Variants in GPR162 observed in about 807,000 individuals in gnomAD.
GPR162 encodes the protein probable G protein-coupled receptor 162.
Under a neutral mutation model 44.9 loss-of-function variants are expected in GPR162, and 26 were observed. The ratio of observed to expected loss-of-function variants is 0.58; its 90% CI spans 0.42 to 0.80. The LOEUF is 0.80. GPR162 is among the 30% of genes least tolerant of loss of function. The probability of loss-of-function intolerance (pLI) is 0.00; values close to 1 mark genes in which losing one functional copy is unlikely to be tolerated. For missense variants in GPR162, 704 were observed against 802.3 expected (o/e 0.88, Z 1.48); for synonymous variants, 363 against 335.2 (o/e 1.08, Z -0.91).
intron 2 of GPR162, 195 bp downstream of exon 2, chr12:6,824,960 A>G (rs1257618754): frequency 2.8e-6 from 2 of 702,182 alleles, no homozygotes; most frequent in East Asian, 5.4e-5. Context: ...AGTTCCCACT[A>G]CCCTGTTTAC....
Position 6,827,350 on chromosome 12 carries a change from T to C in GPR162, c.*146T>C, listed in dbSNP as rs1943381244. The C allele has an allele frequency of 1.6e-6, 1 of 639,412 alleles. No homozygotes were observed. The highest frequency in any genetic ancestry group is 2.0e-5 in the South Asian group (1 of 50,888). The allele number at this position is 639,412 out of a possible 1,614,324, so 39.6% of individuals were successfully genotyped here. A position where few individuals can be genotyped will look rare whatever the true frequency, so the allele number is the denominator to read the frequency against. ...AAGGCCCTGCTCTCTCCCATCCAAGTGACCAGATGCCCTACTCAGCTTCCA... is the reference window on the plus strand; with the variant it reads ...AAGGCCCTGCTCTCTCCCATCCAAGCGACCAGATGCCCTACTCAGCTTCCA... On this transcript the variant is annotated 3_prime_UTR_variant, in exon 5 of 5. Coordinates refer to ENST00000311268, the MANE Select transcript of GPR162 (RefSeq NM_019858.2).
At chr12:6,826,609 C>T in intron 4 of GPR162, 44 bp from the exon 5 acceptor site, 12 of 1,486,066 alleles carry the variant, frequency 8.1e-6, no homozygotes, top group Non-Finnish European at 9.9e-6. Flanking sequence ...GCCTCTGCCT[C>T]TGTCCCTGCA....
Position 6,826,987 on chromosome 12 carries a change from C to T in GPR162, c.1550C>T (p.Pro517Leu), listed in dbSNP as rs201141145. Residue 517 changes from proline (P) to leucine (L), a missense_variant, in exon 5 of 5, where the codon CCG becomes CTG. Physicochemically the swap from Pro to Leu is moderately conservative, Grantham distance 98 (BLOSUM62 -3). Coordinates refer to ENST00000311268, the MANE Select transcript of GPR162 (RefSeq NM_019858.2). ...TFIDETPLPS[P>L]TASPGHSPRR... is the part of the protein sequence containing the mutation. ...ATCGATGAGACACCTCTGCCTTCTC[C>T]GACTGCCTCACCAGGGCACTCTCCT... The T allele has an allele frequency of 2.2e-5, 35 of 1,613,162 alleles. No individual in the cohort carries two copies. Among genetic ancestry groups the T allele is most frequent in the Non-Finnish European group, 2.8e-5 (33 of 1,179,978 alleles).
At position 6,826,209 on chromosome 12, in the gene GPR162, C is replaced by T. The variant is rs370318262; in HGVS notation, c.1071C>T (p.Asp357=). 56 of 1,613,432 alleles carry T rather than the reference C, an allele frequency of 3.5e-5. No individual in the cohort carries two copies. The highest frequency in any genetic ancestry group is 3.3e-4 in the Middle Eastern group (2 of 6,058). ...TTTCTCTCCTAGATGGGGGCTGTGA[C>T]GACTATGCAGAGGGCCGAGTTTGCA... The part of the protein sequence containing the change: ...EEDGDDDGGC[D]DYAEGRVCKV... The change falls in exon 4 of 5, where the codon GAC becomes GAT. Residue 357 remains aspartate, a synonymous_variant. Coordinates refer to ENST00000311268, the MANE Select transcript of GPR162 (RefSeq NM_019858.2).
rs1943370052 is a variant in GPR162 at position 6,826,970 on chromosome 12, G to A, written c.1533G>A (p.Glu511=). 6.2e-7 allele frequency: 1 copy of A among 1,613,228 alleles called. No individual in the cohort carries two copies. The highest frequency in any genetic ancestry group is 8.5e-7 in the Non-Finnish European group (1 of 1,180,010). Reference sequence around the variant, plus strand: ...AGGAGATCACCACCTTCATCGATGAGACACCTCTGCCTTCTCCGACTGCCT... The same window carrying A: ...AGGAGATCACCACCTTCATCGATGAAACACCTCTGCCTTCTCCGACTGCCT... ...FREEITTFID[E]TPLPSPTASP... Residue 511 remains glutamate, a synonymous_variant, in exon 5 of 5, where the codon GAG becomes GAA. Coordinates refer to ENST00000311268, the MANE Select transcript of GPR162 (RefSeq NM_019858.2).
chr12:6,826,885 TG>T lies in GPR162; in HGVS notation c.1450del (p.Glu484ArgfsTer71). On this transcript the variant is annotated frameshift_variant, in exon 5 of 5. Transcript: ENST00000311268. LOFTEE classifies it high-confidence loss of function. Reference protein sequence around the residue: ...GGGLASLRQFLESGVLGSGGG... With the variant: ...GGGLASLRQFXESGVLGSGGG... ...GGGCTGGCCAGCCTTCGCCAATTCTTGGAGAGTGGGGTTCTGGGGTCAGGTG... is the reference window on the plus strand; with the variant it reads ...GGGCTGGCCAGCCTTCGCCAATTCTTGAGAGTGGGGTTCTGGGGTCAGGTG... 6.2e-7 allele frequency: 1 copy of T among 1,613,438 alleles called. No homozygotes were observed. The highest frequency in any genetic ancestry group is 8.5e-7 in the Non-Finnish European group (1 of 1,179,890).
At position 6,826,321 on chromosome 12, in the gene GPR162, T is replaced by G; in HGVS notation, c.1183T>G (p.Phe395Val). ...VKLLPGRHMLFPPLERVHYLQ... is the reference protein window; with the variant it reads ...VKLLPGRHMLVPPLERVHYLQ... ...GCTGCTGCCTGGAAGGCACATGCTC[T>G]TCCCTCCTCTTGAGAGAGTCCACTA... Residue 395 changes from phenylalanine to valine, a missense_variant, in exon 4 of 5, where the codon TTC (phenylalanine) becomes GTC (valine). This residue lies in a region of GPR162 where 404 missense variants were observed against 314.1 expected (regional missense o/e 1.29). Coordinates refer to ENST00000311268, the MANE Select transcript of GPR162 (RefSeq NM_019858.2). The G allele has an allele frequency of 6.2e-7, 1 of 1,613,726 alleles. No homozygotes were observed. Among genetic ancestry groups the G allele is most frequent in the Non-Finnish European group, 8.5e-7 (1 of 1,179,942 alleles).
At position 6,827,052 on chromosome 12, in the gene GPR162, T is replaced by C; in HGVS notation, c.1615T>C (p.Ser539Pro). 6.2e-7 allele frequency: 1 copy of C among 1,613,382 alleles called. No homozygotes were observed. Among genetic ancestry groups the C allele is most frequent in the Non-Finnish European group, 8.5e-7 (1 of 1,180,016 alleles). The change falls in exon 5 of 5, where the codon TCC becomes CCC. Residue 539 changes from serine (S) to proline (P), a missense_variant. Physicochemically the swap from Ser to Pro is moderately conservative, Grantham distance 74. Around this residue, in one of 6 missense-constraint regions of GPR162, gnomAD observed 404 missense variants for 314.1 expected, o/e 1.29. Transcript: ENST00000311268. ...RPLGLSPRRLSLGSPESRAVG... is the reference protein window; with the variant it reads ...RPLGLSPRRLPLGSPESRAVG... ...ACTGGGCCTCTCACCCCGCCGACTC[T>C]CCCTTGGGTCCCCTGAGAGCAGAGC... is the stretch of plus-strand genomic sequence containing the variant.
chr12:6,825,249 C>T (rs1555119825), intron 2 of GPR162: 1 of 586,416 alleles, frequency 1.7e-6, no homozygotes, highest in African/African-American at 1.9e-5. Flanking sequence ...CCTGGTCCAC[C>T]TCTGTTCCTC....
chr12:6,826,171 C>T (rs782029689), intron 3 of GPR162, 25 bp from the exon 4 acceptor site: 1 of 1,604,484 alleles, frequency 6.2e-7, no homozygotes, highest in Non-Finnish European at 8.5e-7. Context: ...CTACCTGTAA[C>T]CACTCTGCCC....
At position 6,824,727 on chromosome 12, in the gene GPR162, G is replaced by A. The variant is rs1324313030; in HGVS notation, c.829G>A (p.Val277Ile). ...LQVTNLVSAI[V>I]FLYDSLTGVP... is the part of the protein sequence containing the mutation. ...GGTCACCAACTTGGTCAGCGCCATC[G>A]TCTTTCTCTATGACTCACTCACAGG... The change falls in exon 2 of 5, where the codon GTC (valine) becomes ATC (isoleucine). Residue 277 changes from valine (V) to isoleucine (I), a missense_variant. Physicochemically the swap from Val to Ile is conservative, Grantham distance 29. This residue lies in a region of GPR162 where 92 missense variants were observed against 156.5 expected (regional missense o/e 0.59). Coordinates refer to ENST00000311268, the MANE Select transcript of GPR162 (RefSeq NM_019858.2). 6.2e-7 allele frequency: 1 copy of A among 1,613,778 alleles called. No homozygotes were observed. Among genetic ancestry groups the A allele is most frequent in the Non-Finnish European group, 8.5e-7 (1 of 1,179,996 alleles).
Position 6,823,907 on chromosome 12 carries a change from G to C in GPR162, c.9G>C (p.Arg3=), listed in dbSNP as rs372143798. ...GGGGGGCTGAGGATAGGATGGCTCG[G>C]GGCGGGGCGGGGGCAGAGGAGGCCT... MA[R]GGAGAEEASL... Residue 3 remains arginine (R), a synonymous_variant, in exon 2 of 5, where the codon CGG becomes CGC. Transcript: ENST00000311268. 1.3e-6 allele frequency: 2 copies of C among 1,559,530 alleles called. No homozygotes were observed. Among genetic ancestry groups the C allele is most frequent in the African/African-American group, 2.7e-5 (2 of 74,148 alleles).
rs557263215 is a variant in GPR162, at chr12:6,825,612, C to T, written c.996C>T (p.Ala332=). 2.3e-5 allele frequency: 37 copies of T among 1,593,428 alleles called. No homozygotes were observed. Among genetic ancestry groups the T allele is most frequent in the Non-Finnish European group, 2.9e-5 (34 of 1,170,114 alleles). ...SFIWSCERYR[A]DVRTVWEQCV... ...TCTGGTCCTGCGAGCGCTACCGCGC[C>T]GACGTGCGCACAGTGTGGGAGCAAT... Residue 332 remains alanine, a synonymous_variant, in exon 3 of 5, where the codon GCC becomes GCT. Transcript: ENST00000311268.
chr12:6,825,114 C>T, intron 2 of GPR162: 1 of 549,414 alleles, frequency 1.8e-6, no homozygotes, highest in Non-Finnish European at 3.3e-6. Flanking sequence ...GGGCTCCACT[C>T]TCCATTCCCT....
Position 6,826,178 on chromosome 12 carries a change from G to A in GPR162, c.1058-18G>A. 1 of 1,608,960 alleles carries A rather than the reference G, an allele frequency of 6.2e-7. No homozygotes were observed. The highest frequency in any genetic ancestry group is 8.5e-7 in the Non-Finnish European group (1 of 1,176,750). ...GGCATTCCCTACCTGTAACCACTCT[G>A]CCCATTTTCTCTCCTAGATGGGGGC... On this transcript the variant is annotated intron_variant, in intron 3 of 4. Coordinates refer to ENST00000311268, the MANE Select transcript of GPR162 (RefSeq NM_019858.2).
rs936078338 is a variant in GPR162, at chr12:6,826,768, C to T, written c.1331C>T (p.Ala444Val). 3.1e-6 allele frequency: 5 copies of T among 1,608,538 alleles called. No homozygotes were observed. Among genetic ancestry groups the T allele is most frequent in the East Asian group, 2.2e-5 (1 of 44,844 alleles). The change falls in exon 5 of 5, where the codon GCC becomes GTC. Residue 444 changes from alanine to valine, a missense_variant. Transcript: ENST00000311268. ...TCTGATGACATCCGGGTCCTCCCAG[C>T]CCAGAGCCGGGCCCTCGGGGGTCCT... ...SSSDDIRVLP[A>V]QSRALGGPPE...
At position 6,827,012 on chromosome 12, in the gene GPR162, T is replaced by G. The variant is rs781960887; in HGVS notation, c.1575T>G (p.Pro525=). The G allele has an allele frequency of 2.9e-5, 47 of 1,613,214 alleles. No homozygotes were observed. The highest frequency in any genetic ancestry group is 3.8e-5 in the Non-Finnish European group (45 of 1,180,018). ...CGACTGCCTCACCAGGGCACTCTCCTCGTCGGCCCCGGCCACTGGGCCTCT... is the reference window on the plus strand; with the variant it reads ...CGACTGCCTCACCAGGGCACTCTCCGCGTCGGCCCCGGCCACTGGGCCTCT... ...PSPTASPGHS[P]RRPRPLGLSP... The change falls in exon 5 of 5, where the codon CCT becomes CCG. Residue 525 remains proline (P), a synonymous_variant. Coordinates refer to ENST00000311268, the MANE Select transcript of GPR162 (RefSeq NM_019858.2).
intron 1 of GPR162, among the ~76,000 whole-genome samples, 181 bp from the exon 2 acceptor site, chr12:6,823,287 T>C (rs1943307170): frequency 6.6e-6 from 1 of 152,162 alleles, no homozygotes; most frequent in Non-Finnish European, 1.5e-5. Flanking sequence ...AGTGCGGCTC[T>C]CATCTGTGTG....
At chr12:6,825,390 T>G in intron 2 of GPR162, 94 bp from the exon 3 acceptor site, 1 of 727,598 alleles carries the variant, frequency 1.4e-6, no homozygotes, top group Non-Finnish European at 2.3e-6. Flanking sequence ...AGGCATTACT[T>G]CTGACGTCTT....
Sources: allele counts gnomAD v4.1 joint callset (sites outside exome capture counted in the v4.1 genomes callset), GRCh38; gene constraint gnomAD v4.1.1; regional missense constraint gnomAD v4.1.1; transcripts MANE v1.5; gene names NCBI Gene and HGNC (gene_info 2026-07-23, HGNC 2026-07-21).